AGXT2: variants seen among roughly 807,000 people sequenced by gnomAD.
AGXT2 encodes alanine--glyoxylate aminotransferase 2, mitochondrial.
Under a neutral mutation model 62.5 loss-of-function variants are expected in AGXT2, and 61 were observed. That is an observed-to-expected ratio of 0.98 (90% CI 0.79 to 1.21). The LOEUF is 1.21. AGXT2 is among the 50% of genes most tolerant of loss of function. The probability of loss-of-function intolerance (pLI) is 0.00; values close to 1 mark genes in which losing one functional copy is unlikely to be tolerated. For missense variants in AGXT2, 666 were observed against 641.5 expected, an observed-to-expected ratio of 1.04 and a Z score of -0.41; for synonymous variants, 243 against 218.7, an observed-to-expected ratio of 1.11 and a Z score of -0.98.
chr5:35,017,863 A>C (rs978605173), intron 9 of AGXT2, among the ~76,000 whole-genome samples: 2 of 152,134 alleles, frequency 1.3e-5, no homozygotes, highest in Non-Finnish European at 2.9e-5. Flanking sequence ...ATAACCAATA[A>C]AGAGAAGTGC....
chr5:35,024,362 G>A (rs1485332383), intron 9 of AGXT2, among the ~76,000 whole-genome samples: 1 of 152,206 alleles, frequency 6.6e-6, no homozygotes, highest in East Asian at 1.9e-4. Flanking sequence ...GGTGGCCCTA[G>A]TGATCATCCT....
intron 12 of AGXT2, among the ~76,000 whole-genome samples, chr5:35,005,739 G>T (rs557165130): frequency 4.6e-5 from 7 of 152,072 alleles, no homozygotes; most frequent in African/African-American, 1.7e-4. Flanking sequence ...AGGCCCTTGT[G>T]CCCATGCCTG....
intron 12 of AGXT2, among the ~76,000 whole-genome samples, chr5:35,008,248 G>A (rs1766507497): frequency 6.6e-6 from 1 of 152,202 alleles, no homozygotes. Flanking sequence ...TTATAGTGGG[G>A]ATATGCCACA....
rs1029277343 is a variant in AGXT2, at chr5:34,998,433, T to C, written c.*286A>G. The C allele has an allele frequency of 4.2e-5, 20 of 471,368 alleles. No individual in the cohort carries two copies. The East Asian group carries it at 8.1e-4, about 19-fold the overall frequency. The allele number at this position is 471,368 out of a possible 1,614,324, so 29.2% of individuals were successfully genotyped here. ...CAAAAATACATCACATATTCATGCA[T>C]AAACCAATCACTGCAAAGGGGAATC... On this transcript the variant is annotated 3_prime_UTR_variant, in exon 14 of 14. Transcript: ENST00000231420.
intron 3 of AGXT2, among the ~76,000 whole-genome samples, chr5:35,037,617 A>C (rs1477978256): frequency 6.6e-6 from 1 of 151,798 alleles, no homozygotes; most frequent in African/African-American, 2.4e-5. Context: ...CACAGGCACA[A>C]TCATAGTGCA....
intron 3 of AGXT2, 58 bp downstream of exon 3, chr5:35,039,266 T>A (rs1767890273): frequency 6.4e-6 from 10 of 1,566,814 alleles, no homozygotes; most frequent in Non-Finnish European, 7.9e-6. Context: ...GTCACTAACA[T>A]AATTGTTTTC....
chr5:35,032,252 G>C (rs1433098116), intron 7 of AGXT2, among the ~76,000 whole-genome samples: 1 of 151,670 alleles, frequency 6.6e-6, no homozygotes, highest in Non-Finnish European at 1.5e-5. Flanking sequence ...ATGCCCCGCC[G>C]GGCCTTGCTC....
chr5:35,016,583 T>C (rs1766857724), intron 9 of AGXT2, among the ~76,000 whole-genome samples: 1 of 152,114 alleles, frequency 6.6e-6, no homozygotes, highest in African/African-American at 2.4e-5. Context: ...CCCCTTTCCC[T>C]TAACATAAAA....
chr5:35,013,508 G>T (rs1766721696), intron 10 of AGXT2, among the ~76,000 whole-genome samples: 1 of 151,968 alleles, frequency 6.6e-6, no homozygotes, highest in African/African-American at 2.4e-5. Context: ...TTTCGGATAG[G>T]GGTGCAGTGG....
chr5:35,011,456 T>G (rs1485873664), intron 11 of AGXT2, among the ~76,000 whole-genome samples: 1 of 94,312 alleles, frequency 1.1e-5, no homozygotes, highest in Non-Finnish European at 2.2e-5. Context: ...CAAGACTCTT[T>G]CTAAAAAAAA....
intron 2 of AGXT2, among the ~76,000 whole-genome samples, chr5:35,039,908 G>A (rs1325998558): frequency 3.9e-5 from 6 of 152,182 alleles, no homozygotes; most frequent in Admixed American, 1.3e-4. Flanking sequence ...AGTGCTAGTC[G>A]TGTTTGTATC....
At chr5:35,042,736 CTGTGTG>C (rs66463119) in intron 1 of AGXT2, among the ~76,000 whole-genome samples, 3,256 of 142,392 alleles carry the variant, frequency 0.023, 76 homozygotes, top group Non-Finnish European at 0.029. Context: ...ATATGCATAC[CTGTGTG>C]TGTGTGTGTG....
intron 13 of AGXT2, among the ~76,000 whole-genome samples, chr5:34,999,640 G>A (rs565202417): frequency 5.6e-4 from 85 of 152,180 alleles, no homozygotes; most frequent in Admixed American, 1.2e-3. Context: ...CATTGTCAGC[G>A]TCCTTTCTCA....
intron 6 of AGXT2, 141 bp downstream of exon 6, chr5:35,033,319 C>G: frequency 1.4e-6 from 1 of 720,120 alleles, no homozygotes; most frequent in Non-Finnish European, 2.5e-6. Context: ...AAGTGGTCTC[C>G]AATTCAATTA....
At chr5:35,042,422 A>C (rs1310581043) in intron 1 of AGXT2, among the ~76,000 whole-genome samples, 1 of 152,166 alleles carries the variant, frequency 6.6e-6, no homozygotes, top group Non-Finnish European at 1.5e-5. Context: ...TAGGAGAAAG[A>C]ATAATAGGAG....
intron 9 of AGXT2, 49 bp downstream of exon 9, chr5:35,025,714 G>T (rs376372962): frequency 8.1e-5 from 128 of 1,572,978 alleles, no homozygotes; most frequent in Non-Finnish European, 9.5e-5. Context: ...TTCTGTCTGT[G>T]CATCTCCTGT....
rs140156063 is a variant in AGXT2 at position 35,037,031 on chromosome 5, G to A, written c.397C>T (p.Arg133Cys). 2,426 of 1,614,140 alleles carry A rather than the reference G, an allele frequency of 1.5e-3. 32 individuals are homozygous for A. The African/African-American group carries it at 0.028, about 19-fold the overall frequency. The change falls in exon 4 of 14, where the codon CGC (arginine) becomes TGC (cysteine). Residue 133 changes from arginine to cysteine, a missense_variant. By Grantham distance (180) the Arg-to-Cys change is radical. Coordinates refer to ENST00000231420, the MANE Select transcript of AGXT2 (RefSeq NM_031900.4). Reference protein sequence around the residue: ...VNAVAQKQLGRLWHTSTVFFH... With the variant: ...VNAVAQKQLGCLWHTSTVFFH... ...AAGACGGTGCTTGTATGCCACAGGC[G>A]GCCGAGCTGCTTTTGTGCCACTGCA... is the stretch of plus-strand genomic sequence containing the variant.
Position 35,039,487 on chromosome 5 carries a change from G to A in AGXT2, c.199C>T (p.Leu67=), listed in dbSNP as rs750363660. The change falls in exon 3 of 14, where the codon CTG becomes TTG. Residue 67 remains leucine, a synonymous_variant. Coordinates refer to ENST00000231420, the MANE Select transcript of AGXT2 (RefSeq NM_031900.4). ...RYQSLGYNRV[L]EIHKEHLSPV... is the part of the protein sequence containing the mutation. Reference sequence around the variant, plus strand: ...GAAAGATGTTCCTTGTGGATTTCCAGGACACGGTTGTAGCCAAGGGACTGT... The same window carrying A: ...GAAAGATGTTCCTTGTGGATTTCCAAGACACGGTTGTAGCCAAGGGACTGT... The A allele has an allele frequency of 3.1e-6, 5 of 1,613,916 alleles. No individual in the cohort carries two copies. The South Asian group carries it at 4.4e-5, about 14-fold the overall frequency.
chr5:35,039,570 G>A, intron 2 of AGXT2, 62 bp from the exon 3 acceptor site: 1 of 1,554,452 alleles, frequency 6.4e-7, no homozygotes, highest in African/African-American at 1.4e-5. Flanking sequence ...GTCAATCTAT[G>A]AGTAACAGAG....
Sources: gnomAD v4.1 joint callset for allele counts (sites outside exome capture counted in the v4.1 genomes callset) on GRCh38, gnomAD v4.1.1 for gene constraint, MANE v1.5 for transcripts, NCBI Gene and HGNC (gene_info 2026-07-23, HGNC 2026-07-21) for gene names.